KCNG3: variants seen among roughly 807,000 people sequenced by gnomAD.
The protein encoded by KCNG3 is potassium voltage-gated channel modifier subfamily G member 3.
A neutral mutation model predicts 29.0 loss-of-function variants in KCNG3; 15 were observed. The ratio of observed to expected loss-of-function variants is 0.52; its 90% CI spans 0.35 to 0.80. The LOEUF is 0.80. Ranked by LOEUF, KCNG3 falls within the 30% of genes least tolerant of loss-of-function variation. KCNG3 has a pLI of 0.01. For missense variants in KCNG3, 512 were observed against 605.7 expected (o/e 0.85, Z 1.62); for synonymous variants, 322 against 248.9 (o/e 1.29, Z -2.76).
At chr2:42,465,561 A>G (rs898146957) in intron 1 of KCNG3, among the ~76,000 whole-genome samples, 6 of 152,166 alleles carry the variant, frequency 3.9e-5, no homozygotes, top group Non-Finnish European at 8.8e-5. Context: ...TTTGTGACTG[A>G]GCAAGTAGGC....
Position 42,482,983 on chromosome 2 carries a change from C to T in KCNG3, c.665+9854G>A, listed in dbSNP as rs539731041. Among the ~76,000 whole-genome samples, 213 of 151,724 alleles carry T rather than the reference C, an allele frequency of 1.4e-3. 1 individual carries two copies. Among genetic ancestry groups the T allele is most frequent in the African/African-American group, 4.8e-3 (198 of 41,370 alleles). The stretch of plus-strand genomic sequence containing the variant: ...AAAAAATATAAAAATTAGCCAGGCA[C>T]GGTGGTGTGTGCCTGTAGTCCCAGC... On this transcript the variant is annotated intron_variant, in intron 1 of 1. Transcript: ENST00000306078.
chr2:42,441,331 T>C (rs1190514936), downstream of KCNG3, among the ~76,000 whole-genome samples: 1 of 152,066 alleles, frequency 6.6e-6, no homozygotes, highest in Non-Finnish European at 1.5e-5. Context: ...AAAACTGCAG[T>C]GAGCTATGAT....
Position 42,444,171 on chromosome 2 carries a change from G to A in KCNG3, c.1074C>T (p.Thr358=), listed in dbSNP as rs1672546623. ...LDLETSNKDF[T]SIPAACWWVI... is the part of the protein sequence containing the mutation. ...CCCACCAGCAGGCAGCAGGAATGCT[G>A]GTAAAGTCCTTGTTGGATGTTTCCA... The change falls in exon 2 of 2, where the codon ACC becomes ACT. Residue 358 remains threonine, a synonymous_variant. Transcript: ENST00000306078. The surrounding 1 kb of genome is among the most constrained non-coding windows in gnomAD (Gnocchi z 5.8). 1 of 1,614,030 alleles carries A rather than the reference G, an allele frequency of 6.2e-7. No individual in the cohort carries two copies. Among genetic ancestry groups the A allele is most frequent in the African/African-American group, 1.3e-5 (1 of 74,900 alleles).
At chr2:42,392,021 C>T in the KCNG3 span, among the ~76,000 whole-genome samples, 2 of 152,254 alleles carry the variant, frequency 1.3e-5, no homozygotes, top group Admixed American at 6.5e-5. Context: ...AAAGATACAG[C>T]AAAATCTTAG....
the KCNG3 span, among the ~76,000 whole-genome samples, chr2:42,431,656 T>A: frequency 6.6e-6 from 1 of 152,234 alleles, no homozygotes; most frequent in African/African-American, 2.4e-5. Flanking sequence ...CAGATAATAT[T>A]AAGCTTTTCC....
chr2:42,438,345 T>C (rs1219659220), downstream of KCNG3, among the ~76,000 whole-genome samples: 1 of 152,180 alleles, frequency 6.6e-6, no homozygotes, highest in Non-Finnish European at 1.5e-5. Flanking sequence ...GAAATAGTGA[T>C]CCTATCTAAT....
intron 1 of KCNG3, among the ~76,000 whole-genome samples, chr2:42,489,878 T>C (rs985667857): frequency 2.6e-5 from 4 of 152,116 alleles, no homozygotes; most frequent in African/African-American, 9.7e-5. Context: ...AGTTGTCATT[T>C]CTCCTCCATT....
chr2:42,415,298 G>A, the KCNG3 span, among the ~76,000 whole-genome samples: 4 of 152,128 alleles, frequency 2.6e-5, no homozygotes, highest in African/African-American at 4.8e-5. Context: ...CCATGGCCAA[G>A]ACAAGCATCT....
At chr2:42,397,666 C>T in the KCNG3 span, among the ~76,000 whole-genome samples, 2 of 152,192 alleles carry the variant, frequency 1.3e-5, no homozygotes, top group Non-Finnish European at 2.9e-5. Flanking sequence ...GGAGGAGGTA[C>T]ATTACAATGC....
In KCNG3 at chr2:42,448,246, C is replaced by G. The variant is rs143729642; in HGVS notation, c.666-3667G>C. ...CCAGGACTACTGTTCCTTGAAATAC[C>G]AGTTTTGCAAAATGATTCCAGAGCC... On this transcript the variant is annotated intron_variant, in intron 1 of 1. Coordinates refer to ENST00000306078, the MANE Select transcript of KCNG3 (RefSeq NM_133329.6). Among the ~76,000 whole-genome samples, 37 of 152,252 alleles carry G rather than the reference C, an allele frequency of 2.4e-4. 1 individual carries two copies. In the East Asian group the frequency reaches 6.9e-3, roughly 29 times the overall value.
chr2:42,416,147 G>T, the KCNG3 span, among the ~76,000 whole-genome samples: 2 of 151,912 alleles, frequency 1.3e-5, no homozygotes, highest in African/African-American at 4.8e-5. Context: ...GGAGGTGAAG[G>T]TTGCAGTGAG....
intron 1 of KCNG3, among the ~76,000 whole-genome samples, chr2:42,458,520 G>A (rs1420982019): frequency 1.3e-5 from 2 of 151,728 alleles, no homozygotes; most frequent in African/African-American, 4.8e-5. Context: ...AACAATACCT[G>A]TCCTGCTAAG....
chr2:42,444,491 T>A lies in KCNG3; in HGVS notation c.754A>T (p.Arg252Ter). 1 of 1,614,192 alleles carries A rather than the reference T, an allele frequency of 6.2e-7. No individual in the cohort carries two copies. The change falls in exon 2 of 2, where the codon AGA becomes TGA. Residue 252 changes from arginine to a stop codon, truncating the protein, a stop_gained. Coordinates refer to ENST00000306078, the MANE Select transcript of KCNG3 (RefSeq NM_133329.6). LOFTEE classifies it high-confidence loss of function. This position sits in a 1 kb window ranked among gnomAD's most constrained non-coding sequence, Gnocchi z 5.8. The stretch of plus-strand genomic sequence containing the variant: ...AGTAAATCAATGATGTTCAGGGGTC[T>A]CTTGACAAACTCACACTTGTTTTTG... ...VSKNKCEFVK[R>*]PLNIIDLLAI...
chr2:42,477,398 C>T (rs1230323283), intron 1 of KCNG3, among the ~76,000 whole-genome samples: 37 of 45,368 alleles, frequency 8.2e-4, no homozygotes, highest in Non-Finnish European at 1.6e-3. Context: ...TACACACACA[C>T]ACACACACAC....
At chr2:42,392,230 G>C in the KCNG3 span, among the ~76,000 whole-genome samples, 7 of 152,090 alleles carry the variant, frequency 4.6e-5, no homozygotes, top group African/African-American at 1.7e-4. Context: ...AAGGGAGTTT[G>C]TCTCCCGTCT....
chr2:42,424,961 GGGT>G, the KCNG3 span: 1 of 152,198 alleles, frequency 6.6e-6, no homozygotes, highest in African/African-American at 2.4e-5. Flanking sequence ...ACCCCTGAAA[GGGT>G]GATTTTCACA....
chr2:42,403,538 G>A, the KCNG3 span, among the ~76,000 whole-genome samples: 3 of 143,900 alleles, frequency 2.1e-5, no homozygotes, highest in African/African-American at 7.8e-5. Flanking sequence ...GGAGTGCAGT[G>A]GCACAATCTC....
chr2:42,459,026 A>T (rs1203267640), intron 1 of KCNG3, among the ~76,000 whole-genome samples: 1 of 152,016 alleles, frequency 6.6e-6, no homozygotes, highest in Non-Finnish European at 1.5e-5. Context: ...GTGAAACCCC[A>T]TCTCTACTAA....
At chr2:42,398,256 T>C in the KCNG3 span, among the ~76,000 whole-genome samples, 1 of 106,212 alleles carries the variant, frequency 9.4e-6, no homozygotes, top group Non-Finnish European at 2.0e-5. Flanking sequence ...AATAAATAAA[T>C]AAATAAATAA....
Sources: allele counts gnomAD v4.1 joint callset (sites outside exome capture counted in the v4.1 genomes callset), GRCh38; gene constraint gnomAD v4.1.1; non-coding constraint Gnocchi (gnomAD v3.1); transcripts MANE v1.5; gene names NCBI Gene and HGNC (gene_info 2026-07-23, HGNC 2026-07-21).